COL25A1: variants seen among roughly 807,000 people sequenced by gnomAD.
COL25A1 encodes the protein collagen type XXV alpha 1 chain, also known as collagen alpha-1(XXV) chain.
In COL25A1, 103 loss-of-function variants were observed where a neutral mutation model predicts 128.4. The observed-to-expected ratio is 0.80, with a 90% CI of 0.68 to 0.94. The LOEUF (loss-of-function observed/expected upper bound fraction) is 0.94, where lower values mean the gene tolerates loss of function less well. COL25A1 is among the 40% of genes least tolerant of loss of function. The pLI is 0.00. For synonymous variants in COL25A1, 279 were observed against 277.2 expected (o/e 1.01, Z -0.06); for missense variants, 745 against 840.0 (o/e 0.89, Z 1.40).
At chr4:108,824,837 A>G (rs980390324) in intron 34 of COL25A1, among the ~76,000 whole-genome samples, 1 of 152,216 alleles carries the variant, frequency 6.6e-6, no homozygotes, top group African/African-American at 2.4e-5. Context: ...GCTTTGAGAA[A>G]AAAACATAAT....
intron 32 of COL25A1, among the ~76,000 whole-genome samples, chr4:108,828,535 A>G (rs1732663179): frequency 6.6e-6 from 1 of 152,204 alleles, no homozygotes; most frequent in African/African-American, 2.4e-5. Flanking sequence ...TTTAAATAGA[A>G]CAGCTTTCCC....
At chr4:109,000,330 A>C (rs1267784200) in intron 6 of COL25A1, among the ~76,000 whole-genome samples, 1 of 152,202 alleles carries the variant, frequency 6.6e-6, no homozygotes, top group Non-Finnish European at 1.5e-5. Flanking sequence ...GATGAGGAAA[A>C]TGAGACTAGC....
chr4:109,214,317 A>C (rs1279559195), intron 3 of COL25A1, among the ~76,000 whole-genome samples: 2 of 152,122 alleles, frequency 1.3e-5, no homozygotes, highest in African/African-American at 4.8e-5. Flanking sequence ...ACTGTAGTGA[A>C]CCAAAAACAT....
chr4:108,865,478 G>T (rs1321950862), intron 20 of COL25A1, among the ~76,000 whole-genome samples: 2 of 151,948 alleles, frequency 1.3e-5, no homozygotes, highest in Admixed American at 6.6e-5. Flanking sequence ...GAAAGACAAG[G>T]GACTTCTCTA....
chr4:109,194,840 T>C (rs1288471862), intron 3 of COL25A1, among the ~76,000 whole-genome samples: 2 of 152,194 alleles, frequency 1.3e-5, no homozygotes, highest in Non-Finnish European at 1.5e-5. Context: ...GATTGATCCA[T>C]GTGACATGCT....
intron 3 of COL25A1, among the ~76,000 whole-genome samples, chr4:109,157,726 T>C (rs1389048815): frequency 6.6e-6 from 1 of 152,236 alleles, no homozygotes; most frequent in Non-Finnish European, 1.5e-5. Context: ...TTTGATAGGT[T>C]ATTGGTAACA....
intron 3 of COL25A1, among the ~76,000 whole-genome samples, chr4:109,175,462 G>A (rs1398329332): frequency 1.3e-5 from 2 of 151,956 alleles, no homozygotes; most frequent in Non-Finnish European, 2.9e-5. Flanking sequence ...ACAATATTGG[G>A]GAACTACACA....
At chr4:109,116,925 T>C (rs1413747854) in intron 3 of COL25A1, among the ~76,000 whole-genome samples, 1 of 151,852 alleles carries the variant, frequency 6.6e-6, no homozygotes, top group Non-Finnish European at 1.5e-5. Context: ...ATCTCTGAAC[T>C]TGAGAATGTG....
At chr4:108,868,522 G>C (rs1010494427) in intron 20 of COL25A1, among the ~76,000 whole-genome samples, 2 of 100,626 alleles carry the variant, frequency 2.0e-5, no homozygotes, top group Non-Finnish European at 4.1e-5. Flanking sequence ...GAGAGAGAGA[G>C]GAAGAAAAGA....
chr4:109,111,414 C>T (rs1354116206), intron 3 of COL25A1, among the ~76,000 whole-genome samples: 4 of 152,212 alleles, frequency 2.6e-5, no homozygotes, highest in African/African-American at 9.6e-5. Context: ...CTTTGCTTTA[C>T]AAATTCTTCC....
intron 3 of COL25A1, among the ~76,000 whole-genome samples, chr4:109,182,682 A>T (rs943821803): frequency 6.6e-6 from 1 of 152,074 alleles, no homozygotes; most frequent in Non-Finnish European, 1.5e-5. Flanking sequence ...AAATTTATAT[A>T]ATCTTCCTAT....
In COL25A1 at chr4:109,038,429, T is replaced by C. The variant is rs76695853; in HGVS notation, c.420+9739A>G. Among the ~76,000 whole-genome samples the C allele has an allele frequency of 2.4e-3, 372 of 152,328 alleles. 14 individuals are homozygous for C. The East Asian group carries it at 0.058, about 24-fold the overall frequency. On this transcript the variant is annotated intron_variant, in intron 5 of 37. Transcript: ENST00000399132. ...GGACTTACCAGTTCCCACAACCGCA[T>C]GACCAATTCCATAAAATAAATCCCC...
chr4:108,959,335 A>T (rs927602992), intron 8 of COL25A1, among the ~76,000 whole-genome samples: 9 of 152,066 alleles, frequency 5.9e-5, no homozygotes, highest in African/African-American at 2.2e-4. Context: ...GGGAAAGAAA[A>T]ATGAAATGTA....
At chr4:109,290,238 T>C (rs1724334370) in intron 3 of COL25A1, among the ~76,000 whole-genome samples, 1 of 152,098 alleles carries the variant, frequency 6.6e-6, no homozygotes, top group African/African-American at 2.4e-5. Context: ...AAGGGCATTT[T>C]TTGCTATAAA....
chr4:108,815,763 T>A (rs1731191959), intron 37 of COL25A1, among the ~76,000 whole-genome samples: 1 of 152,120 alleles, frequency 6.6e-6, no homozygotes, highest in South Asian at 2.1e-4. Flanking sequence ...ACCAAAAAGA[T>A]GATGAGTTCT....
chr4:109,071,552 A>T (rs1762975493), intron 3 of COL25A1, among the ~76,000 whole-genome samples: 1 of 152,230 alleles, frequency 6.6e-6, no homozygotes, highest in African/African-American at 2.4e-5. Flanking sequence ...TACTCATCTG[A>T]CAAAGGGCTT....
intron 18 of COL25A1, among the ~76,000 whole-genome samples, chr4:108,888,713 G>A (rs1316062885): frequency 6.6e-6 from 1 of 152,084 alleles, no homozygotes; most frequent in Non-Finnish European, 1.5e-5. Flanking sequence ...CAACAGTCAT[G>A]GCACAAGTAG....
intron 3 of COL25A1, among the ~76,000 whole-genome samples, chr4:109,189,621 T>C (rs1028344904): frequency 2.6e-5 from 4 of 152,090 alleles, no homozygotes; most frequent in African/African-American, 9.7e-5. Context: ...TGTTGAAGTT[T>C]GTGCTCGTAT....
At chr4:109,037,744 G>A (rs1759491380) in intron 5 of COL25A1, among the ~76,000 whole-genome samples, 1 of 152,152 alleles carries the variant, frequency 6.6e-6, no homozygotes. Flanking sequence ...CTCCTTCTCT[G>A]AGCCCTTGCT....
Sources: allele counts gnomAD v4.1 joint callset (sites outside exome capture counted in the v4.1 genomes callset), GRCh38; gene constraint gnomAD v4.1.1; transcripts MANE v1.5; gene names NCBI Gene and HGNC (gene_info 2026-07-23, HGNC 2026-07-21).